Variants in LRBA observed in about 807,000 individuals in gnomAD.
LRBA encodes the protein LPS responsive beige-like anchor protein, also known as lipopolysaccharide-responsive and beige-like anchor protein.
In LRBA, 176 loss-of-function variants were observed where a neutral mutation model predicts 330.0. That is an observed-to-expected ratio of 0.53 (90% CI 0.47 to 0.60). The LOEUF (loss-of-function observed/expected upper bound fraction) is 0.60. Among genes scored for constraint, LRBA ranks in the 20% least tolerant of loss-of-function variants. The pLI is 0.00. For synonymous variants in LRBA, 1,230 were observed against 1,193.0 expected (o/e 1.03, Z -0.64); for missense variants, 3,259 against 3,444.8 (o/e 0.95, Z 1.35).
intron 37 of LRBA, among the ~76,000 whole-genome samples, chr4:150,625,941 C>G (rs1051854528): frequency 1.3e-5 from 2 of 152,004 alleles, no homozygotes; most frequent in East Asian, 1.9e-4. Flanking sequence ...AACTCCTGAC[C>G]TCAGCCCCCC....
rs757524167 is a variant in LRBA, at chr4:150,828,621, T to A, written c.4730A>T (p.Glu1577Val). 1.9e-6 allele frequency: 3 copies of A among 1,610,256 alleles called. No homozygotes were observed. In the Admixed American group the frequency reaches 5.0e-5, roughly 27 times the overall value. ...GSENENVSLSEITPAAFSTLT... is the reference protein window; with the variant it reads ...GSENENVSLSVITPAAFSTLT... ...AGTGCTGAATGCTGCTGGTGTGATT[T>A]CTATATCATACCCAGAAACACAAGA... Residue 1577 changes from glutamate to valine, a missense_variant and splice_region_variant, in exon 30 of 57, where the codon GAA becomes GTA. Transcript: ENST00000651943.
chr4:150,463,453 A>C (rs1177707643), intron 44 of LRBA, among the ~76,000 whole-genome samples: 1 of 152,012 alleles, frequency 6.6e-6, no homozygotes, highest in African/African-American at 2.4e-5. Flanking sequence ...AATTACACAA[A>C]TGACATTTCT....
At chr4:150,422,227 C>T (rs1229462523) in intron 46 of LRBA, among the ~76,000 whole-genome samples, 1 of 152,102 alleles carries the variant, frequency 6.6e-6, no homozygotes, top group African/African-American at 2.4e-5. Flanking sequence ...GCCACTGGCA[C>T]CCTAGCCTAG....
intron 40 of LRBA, among the ~76,000 whole-genome samples, chr4:150,523,190 G>A (rs1306451388): frequency 6.6e-6 from 1 of 152,194 alleles, no homozygotes; most frequent in African/African-American, 2.4e-5. Flanking sequence ...TGCATGTGAG[G>A]TTGACATGTA....
intron 46 of LRBA, among the ~76,000 whole-genome samples, chr4:150,418,793 A>G (rs1748150959): frequency 6.6e-6 from 1 of 152,162 alleles, no homozygotes; most frequent in South Asian, 2.1e-4. Context: ...GGCCTCTTGA[A>G]GGCATCTTTC....
At chr4:150,741,555 C>T (rs1385180161) in intron 35 of LRBA, among the ~76,000 whole-genome samples, 1 of 151,932 alleles carries the variant, frequency 6.6e-6, no homozygotes, top group Admixed American at 6.6e-5. Flanking sequence ...ATCACAAAAT[C>T]GATTAATAAA....
intron 37 of LRBA, among the ~76,000 whole-genome samples, chr4:150,678,244 G>GAAAAAAAAAAAAAAAAAA (rs558047933): frequency 1.3e-5 from 1 of 75,848 alleles, no homozygotes. Context: ...CTGTCTCCAA[G>GAAAAAAAAAAAAAAAAAA]AAAAAAAAAA....
chr4:150,891,964 C>T (rs967144874), intron 17 of LRBA, among the ~76,000 whole-genome samples: 3 of 152,070 alleles, frequency 2.0e-5, no homozygotes, highest in South Asian at 2.1e-4. Context: ...TGGTGGCACA[C>T]GCCTGTAGTC....
Position 150,419,152 on chromosome 4 carries a change from C to G in LRBA, c.7042-3562G>C, listed in dbSNP as rs111252743. Among the ~76,000 whole-genome samples, 1,299 of 152,186 alleles carry G rather than the reference C, an allele frequency of 8.5e-3. 16 individuals carry two copies. The highest frequency in any genetic ancestry group is 0.03 in the African/African-American group (1,236 of 41,520). ...GTTTGGTAAATGGAGTAAGTACAGG[C>G]TGGATTTTAGCTTCCGTTCTTTCTC... On this transcript the variant is annotated intron_variant, in intron 46 of 56. Transcript: ENST00000651943.
chr4:150,503,463 C>G (rs1169820930), intron 40 of LRBA, among the ~76,000 whole-genome samples: 3 of 152,162 alleles, frequency 2.0e-5, no homozygotes, highest in African/African-American at 7.2e-5. Flanking sequence ...GGACTTCTAC[C>G]AAACCCCAAC....
At chr4:150,802,088 C>T (rs1312785101) in intron 33 of LRBA, among the ~76,000 whole-genome samples, 1 of 151,048 alleles carries the variant, frequency 6.6e-6, no homozygotes, top group African/African-American at 2.4e-5. Flanking sequence ...AGCATGGTGA[C>T]ATGCGCCTGT....
At chr4:150,690,275 AG>A (rs1462269604) in intron 36 of LRBA, among the ~76,000 whole-genome samples, 2 of 152,062 alleles carry the variant, frequency 1.3e-5, no homozygotes, top group Admixed American at 6.6e-5. Context: ...AGGCCGAGGC[AG>A]GTAGATCACA....
intron 33 of LRBA, among the ~76,000 whole-genome samples, chr4:150,805,339 G>GAAAGGAAAGGAAAGGAAAGA (rs1210401526): frequency 1.7e-4 from 23 of 133,402 alleles, no homozygotes; most frequent in Non-Finnish European, 2.7e-4. Flanking sequence ...GAAAGGAAAG[G>GAAAGGAAAGGAAAGGAAAGA]AGAAGGAGAA....
rs1439846963 is a variant in LRBA at position 150,849,495 on chromosome 4, G to C, written c.4085C>G (p.Ser1362Cys). The change falls in exon 25 of 57, where the codon TCT (serine) becomes TGT (cysteine). Residue 1362 changes from serine (S) to cysteine (C), a missense_variant. Physicochemically the swap from Ser to Cys is moderately radical, Grantham distance 112 (BLOSUM62 -1). Transcript: ENST00000651943. ...IFVHNTIHLISQVMDNMVMAC... is the reference protein window; with the variant it reads ...IFVHNTIHLICQVMDNMVMAC... ...CATGACCATATTGTCCATCACTTGA[G>C]AGATGAGATGAATTGTGTTGTGTAC... The C allele has an allele frequency of 1.2e-6, 2 of 1,613,106 alleles. No individual in the cohort carries two copies. Among genetic ancestry groups the C allele is most frequent in the South Asian group, 2.2e-5 (2 of 91,058 alleles).
intron 34 of LRBA, among the ~76,000 whole-genome samples, chr4:150,797,817 T>C (rs574456874): frequency 5.3e-5 from 8 of 152,134 alleles, no homozygotes; most frequent in Admixed American, 1.3e-4. Context: ...AGCAAAGAAA[T>C]TATCAAGATC....
chr4:150,777,064 GTTTTGTTGT>G (rs1459727885), intron 34 of LRBA, among the ~76,000 whole-genome samples: 85 of 101,090 alleles, frequency 8.4e-4, no homozygotes, highest in African/African-American at 2.1e-3. Context: ...TTTTTGAGGG[GTTTTGTTGT>G]TGTTGTTGTT....
intron 37 of LRBA, among the ~76,000 whole-genome samples, chr4:150,660,428 G>A (rs1780896336): frequency 6.7e-6 from 1 of 148,214 alleles, no homozygotes; most frequent in African/African-American, 2.4e-5. Context: ...GCCCCTACTG[G>A]GAAGTGAGGA....
intron 56 of LRBA, among the ~76,000 whole-genome samples, chr4:150,266,720 T>C (rs1319324599): frequency 6.6e-6 from 1 of 152,306 alleles, no homozygotes; most frequent in African/African-American, 2.4e-5. Context: ...AAGTCAGTCT[T>C]TCCTTATCAG....
At chr4:150,567,188 C>A (rs984345364) in intron 40 of LRBA, among the ~76,000 whole-genome samples, 49 of 152,108 alleles carry the variant, frequency 3.2e-4, no homozygotes, top group Admixed American at 2.2e-3. Context: ...ACAACTGCTA[C>A]TTGGCCCTCC....
Sources: allele counts gnomAD v4.1 joint callset (sites outside exome capture counted in the v4.1 genomes callset), GRCh38; gene constraint gnomAD v4.1.1; transcripts MANE v1.5; gene names NCBI Gene and HGNC (gene_info 2026-07-23, HGNC 2026-07-21).